The following MMS19 variants were observed in gnomAD, a reference collection of about 807,000 sequenced individuals.
MMS19 encodes the protein MMS19 cytosolic iron-sulfur assembly component.
MMS19 carries 77 observed loss-of-function variants against 129.8 expected under a neutral mutation model. That is an observed-to-expected ratio of 0.59 (90% CI 0.49 to 0.72). MMS19 has a LOEUF of 0.72. MMS19 is among the 30% of genes least tolerant of loss of function. The pLI is 0.00. For synonymous variants in MMS19, 491 were observed against 502.8 expected (o/e 0.98, Z 0.31); for missense variants, 1,168 against 1,266.3 (o/e 0.92, Z 1.18).
chr10:97,478,010 T>G, intron 4 of MMS19, 81 bp from the exon 5 acceptor site: 2 of 871,592 alleles, frequency 2.3e-6, no homozygotes, highest in Non-Finnish European at 3.5e-6. Flanking sequence ...CAGGCCTAAT[T>G]AGCTACTGTA....
chr10:97,468,422 A>G lies in MMS19; in HGVS notation c.1064-16T>C. ...TGCCTGCAGTCTAGAGAAGCAGCAC[A>G]TCACAGAGCTGGGGAGGAGGCCAAA... On this transcript the variant is annotated splice_polypyrimidine_tract_variant and intron_variant, in intron 12 of 30. Transcript: ENST00000438925. 6.3e-7 allele frequency: 1 copy of G among 1,585,460 alleles called. No individual in the cohort carries two copies. The highest frequency in any genetic ancestry group is 1.7e-4 in the Middle Eastern group (1 of 5,942).
rs746948363 is a variant in MMS19, at chr10:97,458,649, C to G, written c.*43G>C. ...GGAAGATGGCTCAACAGTTAGTAAT[C>G]CCAGGTTAGATTGTCAGAACAGTCT... On this transcript the variant is annotated 3_prime_UTR_variant, in exon 31 of 31. Coordinates refer to ENST00000438925, the MANE Select transcript of MMS19 (RefSeq NM_022362.5). 5.2e-5 allele frequency: 82 copies of G among 1,571,928 alleles called. No homozygotes were observed. Among genetic ancestry groups the G allele is most frequent in the Non-Finnish European group, 1.7e-6 (2 of 1,157,712 alleles).
chr10:97,478,466 A>C (rs570356995), intron 3 of MMS19, 77 bp from the exon 4 acceptor site: 2 of 1,050,496 alleles, frequency 1.9e-6, no homozygotes, highest in Non-Finnish European at 2.8e-6. Context: ...CCCTAAGTCT[A>C]TAACAGTTGT....
At chr10:97,482,728 G>GTGTGTA (rs1172084037) in intron 2 of MMS19, among the ~76,000 whole-genome samples, 1 of 133,338 alleles carries the variant, frequency 7.5e-6, no homozygotes. Context: ...GTGTGTGTGT[G>GTGTGTA]TATATATATA....
intron 6 of MMS19, 130 bp downstream of exon 6, chr10:97,477,217 C>G (rs904877612): frequency 1.3e-6 from 2 of 1,533,126 alleles, no homozygotes; most frequent in African/African-American, 2.8e-5. Context: ...CAGACCCCCT[C>G]TTTCCCTTTA....
chr10:97,466,923 G>T (rs371040624), intron 14 of MMS19, 22 bp from the exon 15 acceptor site: 1 of 1,613,098 alleles, frequency 6.2e-7, no homozygotes, highest in Non-Finnish European at 8.5e-7. Flanking sequence ...ACAGAGGCCA[G>T]GTTAGAAGGA....
chr10:97,480,787 C>T, intron 3 of MMS19, 155 bp downstream of exon 3: 1 of 657,994 alleles, frequency 1.5e-6, no homozygotes, highest in Non-Finnish European at 2.8e-6. Context: ...TTCTAATCAT[C>T]TCTGCCACAT....
Position 97,458,524 on chromosome 10 carries a change from T to C in MMS19, c.*168A>G. The C allele has an allele frequency of 3.1e-6, 2 of 640,828 alleles. No individual in the cohort carries two copies. The highest frequency in any genetic ancestry group is 5.3e-6 in the Non-Finnish European group (2 of 376,884). 39.7% of individuals were successfully genotyped at this position (640,828 alleles called of 1,614,324 possible). ...TTATTTTACAAATCCACTAGAAATA[T>C]GGACTCTTATGTTCTTTGTACAGCC... On this transcript the variant is annotated 3_prime_UTR_variant, in exon 31 of 31. Coordinates refer to ENST00000438925, the MANE Select transcript of MMS19 (RefSeq NM_022362.5).
At chr10:97,463,503 C>T (rs751858913) in intron 19 of MMS19, among the ~76,000 whole-genome samples, 6 of 152,196 alleles carry the variant, frequency 3.9e-5, no homozygotes, top group African/African-American at 4.8e-5. Context: ...GAAATTGAAG[C>T]GTGGAAAGGC....
Position 97,468,891 on chromosome 10 carries a change from G to T in MMS19, c.1063+75C>A, listed in dbSNP as rs945412283. 3 of 1,489,088 alleles carry T rather than the reference G, an allele frequency of 2.0e-6. No homozygotes were observed. The South Asian group carries it at 3.7e-5, about 18-fold the overall frequency. 92.2% of individuals were successfully genotyped at this position (1,489,088 alleles called of 1,614,324 possible). A position where few individuals can be genotyped will look rare whatever the true frequency, so the allele number is the denominator to read the frequency against. On this transcript the variant is annotated intron_variant, in intron 12 of 30. Transcript: ENST00000438925. ...CCTAAAGTGCAGGGATTACAGGCGT[G>T]AGCCACCGCACCCAGGCAAGGAATG... is the stretch of plus-strand genomic sequence containing the variant.
chr10:97,481,528 T>G (rs1216854489), intron 2 of MMS19, among the ~76,000 whole-genome samples: 3 of 151,408 alleles, frequency 2.0e-5, no homozygotes, highest in Non-Finnish European at 2.9e-5. Flanking sequence ...GTTCCTAGAG[T>G]AAAAGAAAAC....
At chr10:97,495,969 C>T (rs986489748) in intron 1 of MMS19, among the ~76,000 whole-genome samples, 16 of 152,026 alleles carry the variant, frequency 1.1e-4, no homozygotes, top group African/African-American at 3.4e-4. Context: ...TTCAGTAGAG[C>T]GGGGTTTCAC....
chr10:97,462,795 C>G, intron 19 of MMS19, 113 bp from the exon 20 acceptor site: 1 of 785,886 alleles, frequency 1.3e-6, no homozygotes, highest in Non-Finnish European at 2.1e-6. Flanking sequence ...GCCACGACAG[C>G]AGTTCTTAAT....
intron 7 of MMS19, 39 bp from the exon 8 acceptor site, chr10:97,476,783 T>A: frequency 6.2e-7 from 1 of 1,613,810 alleles, no homozygotes; most frequent in Non-Finnish European, 8.5e-7. Context: ...GTTTATCAGC[T>A]TCACTCATCT....
At position 97,461,903 on chromosome 10, in the gene MMS19, A is replaced by C; in HGVS notation, c.2116-7T>G. 1 of 1,601,588 alleles carries C rather than the reference A, an allele frequency of 6.2e-7. No individual in the cohort carries two copies. Among genetic ancestry groups the C allele is most frequent in the Non-Finnish European group, 8.5e-7 (1 of 1,174,206 alleles). ...TCTGCCCTGAGGAGCCATCCTATAAAGGAAGGAGAGCCCGATCAAGCCTGC... is the reference window on the plus strand; with the variant it reads ...TCTGCCCTGAGGAGCCATCCTATAACGGAAGGAGAGCCCGATCAAGCCTGC... On this transcript the variant is annotated splice_region_variant and splice_polypyrimidine_tract_variant and intron_variant, in intron 21 of 30. Transcript: ENST00000438925.
intron 11 of MMS19, among the ~76,000 whole-genome samples, 185 bp downstream of exon 11, chr10:97,469,461 C>T (rs184949607): frequency 7.2e-5 from 11 of 152,286 alleles, no homozygotes; most frequent in Admixed American, 2.6e-4. Flanking sequence ...AGCAGCTGAC[C>T]GTCACATAGG....
chr10:97,481,113 A>G (rs2036716412), intron 2 of MMS19, 71 bp from the exon 3 acceptor site: 1 of 973,474 alleles, frequency 1.0e-6, no homozygotes, highest in Non-Finnish European at 1.6e-6. Context: ...AACATTTTAC[A>G]TTAGTCACAC....
intron 2 of MMS19, among the ~76,000 whole-genome samples, chr10:97,482,193 G>C (rs529400672): frequency 4.6e-5 from 7 of 152,074 alleles, no homozygotes; most frequent in Admixed American, 2.6e-4. Context: ...AAGAAAAAAA[G>C]AAAATTATGC....
Position 97,467,049 on chromosome 10 carries a change from G to C in MMS19, c.1298-148C>G, listed in dbSNP as rs537417032. The C allele has an allele frequency of 4.2e-5, 34 of 818,464 alleles. No homozygotes were observed. In the South Asian group the frequency reaches 5.6e-4, roughly 13 times the overall value. 50.7% of individuals were successfully genotyped at this position (818,464 alleles called of 1,614,324 possible). A position where few individuals can be genotyped will look rare whatever the true frequency, so the allele number is the denominator to read the frequency against. On this transcript the variant is annotated intron_variant, in intron 14 of 30. Transcript: ENST00000438925. ...GCTGGAGTGCAGTGGCGTAATCTCG[G>C]ATCACTGCAGCCTCTGCCTCCCAGG...
Sources: allele counts gnomAD v4.1 joint callset (sites outside exome capture counted in the v4.1 genomes callset), GRCh38; gene constraint gnomAD v4.1.1; transcripts MANE v1.5; gene names NCBI Gene and HGNC (gene_info 2026-07-23, HGNC 2026-07-21).